Variants in KATNIP observed in about 807,000 individuals in gnomAD.
The protein encoded by KATNIP is katanin-interacting protein.
Under a neutral mutation model 174.0 loss-of-function variants are expected in KATNIP, and 126 were observed. That is an observed-to-expected ratio of 0.72 (90% confidence interval 0.63 to 0.84). The LOEUF (loss-of-function observed/expected upper bound fraction) is 0.84, where lower values mean the gene tolerates loss of function less well. KATNIP is among the 40% of genes least tolerant of loss of function. The pLI is 0.00. For synonymous variants in KATNIP, 810 were observed against 835.7 expected, an observed-to-expected ratio of 0.97 and a Z score of 0.53; for missense variants, 1,958 against 2,109.7, an observed-to-expected ratio of 0.93 and a Z score of 1.41.
At chr16:27,632,125 T>G (rs2076506852) in intron 5 of KATNIP, among the ~76,000 whole-genome samples, 2 of 152,224 alleles carry the variant, frequency 1.3e-5, no homozygotes, top group African/African-American at 2.4e-5. Flanking sequence ...CTTGCTCATA[T>G]AGTTCTGGAT....
intron 6 of KATNIP, among the ~76,000 whole-genome samples, chr16:27,665,974 T>C (rs2077668472): frequency 6.6e-6 from 1 of 152,210 alleles, no homozygotes; most frequent in South Asian, 2.1e-4. Context: ...CCTCTATCTT[T>C]CAGGAATTCC....
At chr16:27,648,421 G>A (rs1216641394) in intron 5 of KATNIP, among the ~76,000 whole-genome samples, 183 bp from the exon 6 acceptor site, 10 of 152,194 alleles carry the variant, frequency 6.6e-5, no homozygotes, top group Admixed American at 3.3e-4. Context: ...GTGCTGGCCC[G>A]GATGAGGAGG....
At chr16:27,727,185 T>A (rs144866429) in intron 14 of KATNIP, 4 of 195,212 alleles carry the variant, frequency 2.0e-5, no homozygotes, top group Admixed American at 1.5e-4. Flanking sequence ...GGAGGATGTT[T>A]GTTTGTTTGT....
intron 1 of KATNIP, among the ~76,000 whole-genome samples, chr16:27,553,672 A>G (rs1292676043): frequency 1.3e-5 from 2 of 149,956 alleles, no homozygotes; most frequent in Non-Finnish European, 2.9e-5. Context: ...AATAAAATAA[A>G]TAAATAAATA....
intron 6 of KATNIP, among the ~76,000 whole-genome samples, chr16:27,676,795 G>A (rs140949650): frequency 1.3e-5 from 2 of 151,980 alleles, no homozygotes; most frequent in Admixed American, 6.6e-5. Context: ...TCAACCTCCC[G>A]AGTAGCTGGG....
At chr16:27,730,544 G>A (rs1034736977) in intron 14 of KATNIP, among the ~76,000 whole-genome samples, 11 of 152,066 alleles carry the variant, frequency 7.2e-5, no homozygotes, top group Non-Finnish European at 1.3e-4. Flanking sequence ...CCTCCCACTG[G>A]CCCCCATAAA....
chr16:27,724,289 C>G (rs1320271255), intron 14 of KATNIP, among the ~76,000 whole-genome samples: 3 of 152,184 alleles, frequency 2.0e-5, no homozygotes, highest in East Asian at 3.9e-4. Context: ...TCACCCTCTT[C>G]TGGAATGGGC....
At chr16:27,698,546 G>C in intron 9 of KATNIP, 46 bp downstream of exon 9, 1 of 1,540,238 alleles carries the variant, frequency 6.5e-7, no homozygotes, top group Non-Finnish European at 8.8e-7. Flanking sequence ...TCCCTGGACT[G>C]GGCAGTGTCT....
intron 9 of KATNIP, 68 bp downstream of exon 9, chr16:27,698,568 G>A: frequency 1.4e-6 from 2 of 1,460,802 alleles, no homozygotes; most frequent in South Asian, 1.4e-5. Flanking sequence ...AGCTGCAGTT[G>A]AGAAGAGCAA....
At chr16:27,693,381 CTTGA>C (rs2142929436) in intron 8 of KATNIP, among the ~76,000 whole-genome samples, 1 of 152,092 alleles carries the variant, frequency 6.6e-6, no homozygotes, top group African/African-American at 2.4e-5. Context: ...AAATGGCCCA[CTTGA>C]TTTTTTCTTT....
intron 1 of KATNIP, among the ~76,000 whole-genome samples, chr16:27,566,530 CTG>C (rs1466900408): frequency 6.7e-6 from 1 of 148,168 alleles, no homozygotes; most frequent in Non-Finnish European, 1.5e-5. Context: ...GAGTGAGACT[CTG>C]TCTAAAAAAA....
intron 1 of KATNIP, 22 bp downstream of exon 1, chr16:27,550,199 C>T (rs2089283442): frequency 2.5e-6 from 4 of 1,606,928 alleles, no homozygotes; most frequent in South Asian, 1.1e-5. Context: ...TGGGCCCCTC[C>T]GGGAGGTCGG....
At chr16:27,599,733 C>T (rs918573992) in intron 2 of KATNIP, among the ~76,000 whole-genome samples, 10 of 152,188 alleles carry the variant, frequency 6.6e-5, no homozygotes, top group African/African-American at 1.2e-4. Context: ...CTCCAACTTC[C>T]GCTGTCCGCT....
At position 27,777,085 on chromosome 16, in the gene KATNIP, C is replaced by T. The variant is rs982797177; in HGVS notation, c.4551+56C>T. The stretch of plus-strand genomic sequence containing the variant: ...TAATTATGCTCGTTGGTAATTAGGC[C>T]GCCGGCAATTATCATTTGTCGCAGT... On this transcript the variant is annotated intron_variant, in intron 25 of 27. Transcript: ENST00000261588. This position sits in a 1 kb window ranked among gnomAD's most constrained non-coding sequence, Gnocchi z 4.4. The T allele has an allele frequency of 6.4e-6, 7 of 1,088,390 alleles. No individual in the cohort carries two copies. The highest frequency in any genetic ancestry group is 3.8e-5 in the South Asian group (3 of 78,884). The allele number at this position is 1,088,390 out of a possible 1,614,324, so 67.4% of individuals were successfully genotyped here. A position where few individuals can be genotyped will look rare whatever the true frequency, so the allele number is the denominator to read the frequency against.
intron 5 of KATNIP, among the ~76,000 whole-genome samples, chr16:27,632,814 G>C (rs969021275): frequency 4.0e-5 from 6 of 151,880 alleles, no homozygotes; most frequent in Non-Finnish European, 7.4e-5. Context: ...GCAGTGGTGT[G>C]ATCTTGGCTC....
rs1192107221 is a variant in KATNIP, at chr16:27,771,647, G to T, written c.4193G>T (p.Cys1398Phe). 1 of 1,613,468 alleles carries T rather than the reference G, an allele frequency of 6.2e-7. No homozygotes were observed. The highest frequency in any genetic ancestry group is 2.2e-5 in the East Asian group (1 of 44,876). ...SMDYEAPLMP[C>F]GFIFQFQLLT... ...GACTACGAGGCACCGCTGATGCCCTGTGGCTGTATCCTTCTCCTCCCGCCC... is the reference window on the plus strand; with the variant it reads ...GACTACGAGGCACCGCTGATGCCCTTTGGCTGTATCCTTCTCCTCCCGCCC... Residue 1398 changes from cysteine to phenylalanine, a missense_variant, in exon 22 of 28, where the codon TGT (cysteine) becomes TTT (phenylalanine). Physicochemically the swap from Cys to Phe is radical, Grantham distance 205. Around this residue, in one of 3 missense-constraint regions of KATNIP, gnomAD observed 383 missense variants for 456.0 expected, o/e 0.84. Transcript: ENST00000261588.
chr16:27,642,244 G>A (rs2076822568), intron 5 of KATNIP, among the ~76,000 whole-genome samples: 2 of 152,174 alleles, frequency 1.3e-5, no homozygotes, highest in African/African-American at 2.4e-5. Context: ...GGATGAAGCT[G>A]GAAACTATAT....
At chr16:27,643,366 AGATCACCT>A (rs2076861430) in intron 5 of KATNIP, 1 of 152,248 alleles carries the variant, frequency 6.6e-6, no homozygotes, top group South Asian at 2.1e-4. Flanking sequence ...CAAGGCAGGT[AGATCACCT>A]GATGTCAGGA....
chr16:27,680,254 G>T (rs571807188), intron 7 of KATNIP, among the ~76,000 whole-genome samples: 1 of 152,310 alleles, frequency 6.6e-6, no homozygotes, highest in South Asian at 2.1e-4. Flanking sequence ...GCGCACCTGC[G>T]GGAGCAGCAA....
Sources: gnomAD v4.1 joint callset for allele counts (sites outside exome capture counted in the v4.1 genomes callset) on GRCh38, gnomAD v4.1.1 for gene constraint, gnomAD v4.1.1 regional missense constraint, Gnocchi (gnomAD v3.1) non-coding constraint, MANE v1.5 for transcripts, NCBI Gene and HGNC (gene_info 2026-07-23, HGNC 2026-07-21) for gene names.